The following ERBB4 variants were observed in gnomAD, a reference collection of about 807,000 sequenced individuals.
The protein encoded by ERBB4 is erb-b2 receptor tyrosine kinase 4.
In ERBB4, 42 loss-of-function variants were observed where a neutral mutation model predicts 158.0. That is an observed-to-expected ratio of 0.27 (90% CI 0.21 to 0.34). The LOEUF is 0.34. ERBB4 is among the 10% of genes least tolerant of loss of function. The probability of loss-of-function intolerance (pLI) is 1.00; values close to 1 mark genes in which losing one functional copy is unlikely to be tolerated. For missense variants in ERBB4, 1,333 were observed against 1,624.1 expected, an observed-to-expected ratio of 0.82 and a Z score of 3.08; for synonymous variants, 583 against 558.7, an observed-to-expected ratio of 1.04 and a Z score of -0.61.
intron 20 of ERBB4, among the ~76,000 whole-genome samples, chr2:211,462,781 C>T (rs139860658): frequency 1.3e-5 from 2 of 152,258 alleles, no homozygotes; most frequent in East Asian, 3.9e-4. Context: ...CAGCTCTCTA[C>T]ATGTTTTATT....
At chr2:211,918,300 A>G (rs1275812105) in intron 3 of ERBB4, among the ~76,000 whole-genome samples, 1 of 152,202 alleles carries the variant, frequency 6.6e-6, no homozygotes, top group African/African-American at 2.4e-5. Flanking sequence ...TGGGCAAGGA[A>G]CTATAAAATG....
intron 1 of ERBB4, among the ~76,000 whole-genome samples, chr2:212,187,031 A>G (rs1174780196): frequency 6.6e-6 from 1 of 152,098 alleles, no homozygotes; most frequent in Non-Finnish European, 1.5e-5. Flanking sequence ...CCTCTGCCTT[A>G]GACTAAGATC....
At chr2:212,277,447 C>T (rs79233971) in intron 1 of ERBB4, among the ~76,000 whole-genome samples, 1,586 of 151,804 alleles carry the variant, frequency 0.01, 25 homozygotes, top group African/African-American at 0.037. Flanking sequence ...AACATATTCA[C>T]CGTGAGTTCC....
intron 2 of ERBB4, among the ~76,000 whole-genome samples, chr2:212,018,465 T>C (rs1296712102): frequency 6.6e-6 from 1 of 152,214 alleles, no homozygotes; most frequent in East Asian, 1.9e-4. Flanking sequence ...TTGATGTATT[T>C]GGAAATAAAC....
At chr2:212,452,999 A>G (rs759080768) in intron 1 of ERBB4, among the ~76,000 whole-genome samples, 1 of 152,192 alleles carries the variant, frequency 6.6e-6, no homozygotes, top group Admixed American at 6.5e-5. Flanking sequence ...AATAGACCCT[A>G]CAATGAGATA....
intron 20 of ERBB4, among the ~76,000 whole-genome samples, chr2:211,458,478 G>A (rs983136855): frequency 3.9e-5 from 6 of 151,950 alleles, no homozygotes; most frequent in Non-Finnish European, 7.4e-5. Flanking sequence ...TGTTGGCCGA[G>A]ATGGTCTCGA....
At chr2:212,230,848 C>A (rs557515768) in intron 1 of ERBB4, among the ~76,000 whole-genome samples, 1 of 152,252 alleles carries the variant, frequency 6.6e-6, no homozygotes, top group African/African-American at 2.4e-5. Context: ...ATCCAATGAG[C>A]AGTACCTTCC....
rs112719857 is a variant in ERBB4 at position 211,680,819 on chromosome 2, A to G, written c.1490-1635T>C. Among the ~76,000 whole-genome samples, 984 of 152,308 alleles carry G rather than the reference A, an allele frequency of 6.5e-3. 12 individuals carry two copies. Among genetic ancestry groups the G allele is most frequent in the African/African-American group, 0.022 (920 of 41,572 alleles). ...ATAATCTCTTTCAGCATAGTTTAAG[A>G]GAGAAATGTGTGTGTATCTGTGTCT... On this transcript the variant is annotated intron_variant, in intron 12 of 27. Transcript: ENST00000342788.
At chr2:211,665,109 T>C (rs2071578081) in intron 15 of ERBB4, among the ~76,000 whole-genome samples, 1 of 152,160 alleles carries the variant, frequency 6.6e-6, no homozygotes, top group South Asian at 2.1e-4. Flanking sequence ...GTTAATAGAA[T>C]GGTTATAGGT....
intron 20 of ERBB4, among the ~76,000 whole-genome samples, chr2:211,496,658 T>C (rs959425577): frequency 3.3e-5 from 5 of 152,096 alleles, no homozygotes; most frequent in Non-Finnish European, 7.4e-5. Context: ...TCTGCCTTAG[T>C]TCTACCCTCC....
intron 1 of ERBB4, among the ~76,000 whole-genome samples, chr2:212,430,259 C>A (rs2091997602): frequency 6.6e-6 from 1 of 150,928 alleles, no homozygotes. Context: ...TAAAATATAA[C>A]TAGCAGTCAT....
chr2:212,330,876 G>A (rs1228307729), intron 1 of ERBB4, among the ~76,000 whole-genome samples: 6 of 151,228 alleles, frequency 4.0e-5, no homozygotes, highest in East Asian at 4.0e-4. Context: ...CCACAAGTGC[G>A]ATTACCCTAA....
chr2:211,896,916 T>A (rs749551455), intron 3 of ERBB4, among the ~76,000 whole-genome samples: 12 of 152,098 alleles, frequency 7.9e-5, no homozygotes, highest in South Asian at 2.1e-4. Flanking sequence ...AAGAGAATAC[T>A]TAGTCAAATT....
chr2:211,645,721 A>G (rs953384883), intron 16 of ERBB4, among the ~76,000 whole-genome samples: 27 of 151,864 alleles, frequency 1.8e-4, no homozygotes, highest in African/African-American at 6.5e-4. Flanking sequence ...AAGGTATGAA[A>G]GATAATGATC....
Position 211,379,799 on chromosome 2 carries a change from AGGTT to A in ERBB4, c.*3812_*3815del, listed in dbSNP as rs201543392. ...ATGAATAATTCCAGTTTTGAAATAAAGGTTAGAGAGCTCTAGAAAAACTTGTATT... is the reference window on the plus strand; with the variant it reads ...ATGAATAATTCCAGTTTTGAAATAAAAGAGAGCTCTAGAAAAACTTGTATT... On this transcript the variant is annotated 3_prime_UTR_variant, in exon 28 of 28. Coordinates refer to ENST00000342788, the MANE Select transcript of ERBB4 (RefSeq NM_005235.3). The A allele has an allele frequency of 1.9e-3, 448 of 232,050 alleles. 6 individuals are homozygous for A. In the East Asian group the frequency reaches 0.024, roughly 13 times the overall value. The allele number at this position is 232,050 out of a possible 1,614,324, so 14.4% of individuals were successfully genotyped here.
intron 3 of ERBB4, among the ~76,000 whole-genome samples, chr2:211,937,907 A>C (rs189658612): frequency 2.0e-5 from 3 of 152,286 alleles, no homozygotes; most frequent in Admixed American, 6.5e-5. Flanking sequence ...GTGGAAACTA[A>C]AGGTGAAAGT....
chr2:211,488,403 G>T (rs1023292301), intron 20 of ERBB4, among the ~76,000 whole-genome samples: 2 of 152,068 alleles, frequency 1.3e-5, no homozygotes, highest in Non-Finnish European at 2.9e-5. Flanking sequence ...CATGAGGATG[G>T]AGATATTGTC....
intron 20 of ERBB4, among the ~76,000 whole-genome samples, chr2:211,452,626 A>C (rs973269711): frequency 2.6e-5 from 4 of 152,236 alleles, no homozygotes; most frequent in African/African-American, 9.6e-5. Flanking sequence ...GTTACCAACT[A>C]TCTCAACCTC....
rs758081675 is a variant in ERBB4, at chr2:212,441,570, T to C, written c.82+96879A>G. ...TAAGTAGAAACCTGGAGAACAGGCA[T>C]AGAAATGGATATTAAGGGAATGGGA... is the stretch of plus-strand genomic sequence containing the variant. On this transcript the variant is annotated intron_variant, in intron 1 of 27. Coordinates refer to ENST00000342788, the MANE Select transcript of ERBB4 (RefSeq NM_005235.3). 3.9e-5 allele frequency among the ~76,000 whole-genome samples: 6 copies of C among 152,116 alleles called. No homozygotes were observed. The East Asian group carries it at 7.7e-4, about 19-fold the overall frequency.
Sources: gnomAD v4.1 joint callset for allele counts (sites outside exome capture counted in the v4.1 genomes callset) on GRCh38, gnomAD v4.1.1 for gene constraint, MANE v1.5 for transcripts, NCBI Gene and HGNC (gene_info 2026-07-23, HGNC 2026-07-21) for gene names.